Variants in SEMA3D observed in about 807,000 individuals in gnomAD.
SEMA3D encodes semaphorin 3D.
SEMA3D carries 84 observed loss-of-function variants against 100.1 expected under a neutral mutation model. The observed-to-expected ratio is 0.84, with a 90% CI of 0.70 to 1.01. SEMA3D has a LOEUF of 1.01. Among genes scored for constraint, SEMA3D ranks in the 50% least tolerant of loss-of-function variants. The pLI, the probability that SEMA3D is intolerant of heterozygous loss-of-function variation, is 0.00. For missense variants in SEMA3D, 875 were observed against 934.1 expected, an observed-to-expected ratio of 0.94 and a Z score of 0.82; for synonymous variants, 312 against 320.7, an observed-to-expected ratio of 0.97 and a Z score of 0.29.
intron 4 of SEMA3D, among the ~76,000 whole-genome samples, chr7:85,092,723 C>G (rs886902667): frequency 1.3e-5 from 2 of 151,614 alleles, no homozygotes; most frequent in African/African-American, 4.9e-5. Flanking sequence ...ATAAGACACT[C>G]TTTCTTATCA....
chr7:85,039,668 C>T (rs1293699850), intron 11 of SEMA3D, among the ~76,000 whole-genome samples: 1 of 152,158 alleles, frequency 6.6e-6, no homozygotes, highest in Non-Finnish European at 1.5e-5. Flanking sequence ...AAATTGTCTT[C>T]ACTTTCAGTT....
chr7:85,013,320 C>A (rs1025807824), intron 16 of SEMA3D, among the ~76,000 whole-genome samples: 3 of 151,586 alleles, frequency 2.0e-5, no homozygotes, highest in Non-Finnish European at 2.9e-5. Flanking sequence ...TTTAATTAAG[C>A]AACAAACTAA....
At chr7:85,233,613 TC>T in the SEMA3D span, among the ~76,000 whole-genome samples, 1 of 152,202 alleles carries the variant, frequency 6.6e-6, no homozygotes, top group Non-Finnish European at 1.5e-5. Flanking sequence ...ACTCCTGCCC[TC>T]CCGTACTTTG....
At chr7:85,157,830 G>A (rs529358501) in intron 1 of SEMA3D, among the ~76,000 whole-genome samples, 8 of 152,068 alleles carry the variant, frequency 5.3e-5, no homozygotes, top group Non-Finnish European at 8.8e-5. Context: ...CGTAGGGACC[G>A]GCTGAAGTCA....
At chr7:85,104,531 T>C (rs568902078) in intron 3 of SEMA3D, among the ~76,000 whole-genome samples, 1 of 152,142 alleles carries the variant, frequency 6.6e-6, no homozygotes, top group African/African-American at 2.4e-5. Flanking sequence ...TGTCCCTTAA[T>C]ACAATTGTTC....
chr7:85,204,167 G>A, the SEMA3D span, among the ~76,000 whole-genome samples: 24 of 151,906 alleles, frequency 1.6e-4, no homozygotes, highest in Non-Finnish European at 4.4e-5. Flanking sequence ...GTGTAACACT[G>A]GAAAGGAAGA....
In SEMA3D at chr7:85,042,262, G is replaced by T; in HGVS notation, c.885C>A (p.Ser295Arg). ...VCKNDVGGQR[S>R]LINKWTTFLK... The stretch of plus-strand genomic sequence containing the variant: ...GAAAAGTCGTCCACTTGTTTATCAG[G>T]CTGCGTTGTCCTCCTACATCATTCT... The change falls in exon 10 of 19, where the codon AGC becomes AGA. Residue 295 changes from serine (S) to arginine (R), a missense_variant. Physicochemically the swap from Ser to Arg is moderately radical, Grantham distance 110. Transcript: ENST00000284136. The T allele has an allele frequency of 6.2e-7, 1 of 1,612,300 alleles. No homozygotes were observed. The highest frequency in any genetic ancestry group is 8.5e-7 in the Non-Finnish European group (1 of 1,178,688).
At chr7:85,140,850 T>TA (rs907990631) in intron 2 of SEMA3D, 4 of 834,858 alleles carry the variant, frequency 4.8e-6, no homozygotes, top group Non-Finnish European at 5.8e-6. Flanking sequence ...ATTCTACCAT[T>TA]AAAAAAATGG....
intron 13 of SEMA3D, among the ~76,000 whole-genome samples, chr7:85,020,745 G>A (rs1790232539): frequency 6.6e-6 from 1 of 151,410 alleles, no homozygotes; most frequent in African/African-American, 2.4e-5. Context: ...AATTCACCAT[G>A]AAAGACAGAT....
At chr7:85,054,801 C>T (rs1012479336) in intron 9 of SEMA3D, among the ~76,000 whole-genome samples, 1 of 151,984 alleles carries the variant, frequency 6.6e-6, no homozygotes, top group Admixed American at 6.6e-5. Flanking sequence ...CCCTTAATAA[C>T]TGAGTTGATG....
rs556954272 is a variant in SEMA3D at position 85,140,906 on chromosome 7, C to T, written c.-41+12702G>A. 30 of 632,842 alleles carry T rather than the reference C, an allele frequency of 4.7e-5. No individual in the cohort carries two copies. In the South Asian group the frequency reaches 1.7e-3, roughly 36 times the overall value. The allele number at this position is 632,842 out of a possible 1,614,324, so 39.2% of individuals were successfully genotyped here. A position where few individuals can be genotyped will look rare whatever the true frequency, so the allele number is the denominator to read the frequency against. On this transcript the variant is annotated intron_variant, in intron 2 of 18. Transcript: ENST00000284136. Reference sequence around the variant, plus strand: ...CAAAACACCATCTTCCTATCAACACCTCAGTTAGAGATGATCACTGTTAAA... The same window carrying T: ...CAAAACACCATCTTCCTATCAACACTTCAGTTAGAGATGATCACTGTTAAA...
intron 1 of SEMA3D, chr7:85,163,138 C>T (rs1790794404): frequency 4.4e-6 from 1 of 225,834 alleles, no homozygotes; most frequent in Non-Finnish European, 7.4e-6. Context: ...AAAGTGGCCT[C>T]TCCATGAAAG....
At chr7:85,143,200 G>A (rs1790105965) in intron 2 of SEMA3D, 1 of 944,360 alleles carries the variant, frequency 1.1e-6, no homozygotes, top group African/African-American at 1.8e-5. Context: ...TGAGAAAAGT[G>A]ATTAGCAGAA....
chr7:85,151,483 T>C (rs945941558), intron 2 of SEMA3D: 22 of 274,592 alleles, frequency 8.0e-5, no homozygotes, highest in East Asian at 1.8e-4. Context: ...AGAAAGAATA[T>C]AGTTCTTAAT....
intron 9 of SEMA3D, among the ~76,000 whole-genome samples, chr7:85,048,325 T>G (rs1583869276): frequency 6.6e-6 from 1 of 151,934 alleles, no homozygotes; most frequent in East Asian, 1.9e-4. Context: ...AATCTTTCTT[T>G]GAAAACTTAG....
chr7:85,224,314 A>C, the SEMA3D span, among the ~76,000 whole-genome samples: 12 of 152,346 alleles, frequency 7.9e-5, no homozygotes, highest in South Asian at 2.1e-4. Context: ...GAATGCCTGC[A>C]GCAAATCTTG....
chr7:85,212,254 G>A, the SEMA3D span, among the ~76,000 whole-genome samples: 23 of 152,190 alleles, frequency 1.5e-4, no homozygotes, highest in East Asian at 3.7e-3. Flanking sequence ...CCTCTCAAAC[G>A]AGGGTCTTAT....
chr7:85,103,323 T>C (rs1004254264), intron 3 of SEMA3D, among the ~76,000 whole-genome samples: 1 of 152,048 alleles, frequency 6.6e-6, no homozygotes, highest in Admixed American at 6.6e-5. Flanking sequence ...CAAAGTTGAA[T>C]AATAATAATT....
chr7:85,161,075 T>C (rs910745464), intron 1 of SEMA3D, among the ~76,000 whole-genome samples: 2 of 152,176 alleles, frequency 1.3e-5, no homozygotes, highest in Non-Finnish European at 2.9e-5. Flanking sequence ...TGACCATGAT[T>C]CTGGAAGACA....
Sources: gnomAD v4.1 joint callset for allele counts (sites outside exome capture counted in the v4.1 genomes callset) on GRCh38, gnomAD v4.1.1 for gene constraint, MANE v1.5 for transcripts, NCBI Gene and HGNC (gene_info 2026-07-23, HGNC 2026-07-21) for gene names.